The following CNTN5 variants were observed in gnomAD, a reference collection of about 807,000 sequenced individuals.
CNTN5 encodes contactin 5, also known as contactin-5.
A neutral mutation model predicts 129.1 loss-of-function variants in CNTN5; 77 were observed. The ratio of observed to expected loss-of-function variants is 0.60; its 90% CI spans 0.50 to 0.72. The LOEUF is 0.72. Among genes scored for constraint, CNTN5 ranks in the 30% least tolerant of loss-of-function variants. CNTN5 has a pLI of 0.00. For synonymous variants in CNTN5, 509 were observed against 465.6 expected (o/e 1.09, Z -1.20); for missense variants, 1,478 against 1,328.8 (o/e 1.11, Z -1.75).
At chr11:99,242,696 T>A (rs1182745660) in intron 1 of CNTN5, among the ~76,000 whole-genome samples, 1 of 152,102 alleles carries the variant, frequency 6.6e-6, no homozygotes, top group Non-Finnish European at 1.5e-5. Flanking sequence ...CCATAAATAT[T>A]GAATGTTTAG....
intron 1 of CNTN5, among the ~76,000 whole-genome samples, chr11:99,282,189 G>A (rs191548040): frequency 1.3e-5 from 2 of 151,880 alleles, no homozygotes; most frequent in African/African-American, 2.4e-5. Context: ...AGATTGTCTC[G>A]CCTTAAGTGT....
intron 2 of CNTN5, among the ~76,000 whole-genome samples, chr11:99,516,941 T>A (rs748655704): frequency 6.6e-6 from 1 of 152,144 alleles, no homozygotes; most frequent in Non-Finnish European, 1.5e-5. Context: ...GAAAAATGAA[T>A]GGGCACTAAT....
At chr11:100,184,147 C>CT (rs1378858040) in intron 13 of CNTN5, among the ~76,000 whole-genome samples, 2 of 152,100 alleles carry the variant, frequency 1.3e-5, no homozygotes, top group Admixed American at 1.3e-4. Context: ...CTACTATTTC[C>CT]TTTTTAACAT....
chr11:99,249,766 T>C (rs1352041313), intron 1 of CNTN5, among the ~76,000 whole-genome samples: 1 of 151,972 alleles, frequency 6.6e-6, no homozygotes, highest in African/African-American at 2.4e-5. Flanking sequence ...AGTCTTCTAG[T>C]ATAGTGAACT....
chr11:99,593,141 C>T (rs1240935493), intron 3 of CNTN5, among the ~76,000 whole-genome samples: 1 of 152,166 alleles, frequency 6.6e-6, no homozygotes, highest in African/African-American at 2.4e-5. Flanking sequence ...CTGGATTTCC[C>T]TATTCTGATG....
chr11:100,294,252 T>C (rs1274932548), intron 18 of CNTN5, among the ~76,000 whole-genome samples: 1 of 151,830 alleles, frequency 6.6e-6, no homozygotes, highest in African/African-American at 2.4e-5. Context: ...TAAAGCATAT[T>C]ATTAGTGTGA....
intron 4 of CNTN5, among the ~76,000 whole-genome samples, chr11:99,840,267 C>T (rs1241737672): frequency 6.6e-6 from 1 of 152,066 alleles, no homozygotes; most frequent in Non-Finnish European, 1.5e-5. Flanking sequence ...AGAATACATA[C>T]ATCTTAACTA....
rs77041636 is a variant in CNTN5, at chr11:100,089,263, T to C, written c.1580+14969T>C. Among the ~76,000 whole-genome samples the C allele has an allele frequency of 2.7e-3, 411 of 152,092 alleles. 4 individuals carry two copies. Among genetic ancestry groups the C allele is most frequent in the African/African-American group, 9.3e-3 (387 of 41,498 alleles). ...TTATCAGATAGGCAGATTGCAAAAA[T>C]TTCCTCCCATTCTGTACATGCAGCC... is the stretch of plus-strand genomic sequence containing the variant. On this transcript the variant is annotated intron_variant, in intron 13 of 24. Coordinates refer to ENST00000524871, the MANE Select transcript of CNTN5 (RefSeq NM_014361.4).
intron 3 of CNTN5, among the ~76,000 whole-genome samples, chr11:99,638,470 C>T (rs1265553359): frequency 6.6e-6 from 1 of 152,136 alleles, no homozygotes; most frequent in African/African-American, 2.4e-5. Context: ...CTCATTTGGG[C>T]ATTAACCCAA....
At chr11:99,202,223 G>T (rs1440312279) in intron 1 of CNTN5, among the ~76,000 whole-genome samples, 5 of 152,160 alleles carry the variant, frequency 3.3e-5, no homozygotes, top group Non-Finnish European at 5.9e-5. Context: ...GAAGCTCATG[G>T]TTTATTCAAG....
intron 3 of CNTN5, among the ~76,000 whole-genome samples, chr11:99,686,361 T>C (rs922772471): frequency 2.9e-4 from 44 of 152,032 alleles, no homozygotes; most frequent in African/African-American, 1.1e-3. Context: ...TTTATTTTTA[T>C]TTTGAATTTT....
intron 9 of CNTN5, among the ~76,000 whole-genome samples, chr11:100,056,733 TAG>T (rs1437535669): frequency 6.6e-6 from 1 of 151,528 alleles, no homozygotes; most frequent in African/African-American, 2.4e-5. Flanking sequence ...CATAGAGTAG[TAG>T]TTTTCTGGGG....
At chr11:99,660,143 G>A (rs549984919) in intron 3 of CNTN5, among the ~76,000 whole-genome samples, 5 of 151,856 alleles carry the variant, frequency 3.3e-5, no homozygotes, top group East Asian at 1.9e-4. Flanking sequence ...TAAAGTTCTG[G>A]ATGAAAAAAT....
At chr11:99,278,859 A>G (rs1020635420) in intron 1 of CNTN5, among the ~76,000 whole-genome samples, 11 of 151,780 alleles carry the variant, frequency 7.2e-5, no homozygotes, top group Non-Finnish European at 1.5e-4. Context: ...AGCACAAAGC[A>G]CTTTCACTAG....
chr11:99,458,331 C>G (rs1320647595), intron 2 of CNTN5, among the ~76,000 whole-genome samples: 2 of 151,824 alleles, frequency 1.3e-5, no homozygotes, highest in Non-Finnish European at 2.9e-5. Flanking sequence ...TTCAGTGTTA[C>G]ATGTTAAAAT....
At chr11:99,743,848 A>G (rs185991080) in intron 3 of CNTN5, among the ~76,000 whole-genome samples, 5 of 152,340 alleles carry the variant, frequency 3.3e-5, no homozygotes, top group Admixed American at 1.3e-4. Flanking sequence ...AAGGTCGTCC[A>G]CTTCCACAGA....
At chr11:99,492,176 T>G (rs556531622) in intron 2 of CNTN5, among the ~76,000 whole-genome samples, 2 of 152,188 alleles carry the variant, frequency 1.3e-5, no homozygotes, top group South Asian at 4.1e-4. Flanking sequence ...GCAGGATGGG[T>G]GGGGTGAAGA....
At position 99,074,543 on chromosome 11, in the gene CNTN5, T is replaced by C. The variant is rs887175998; in HGVS notation, c.-210+53273T>C. 9.8e-5 allele frequency among the ~76,000 whole-genome samples: 15 copies of C among 152,316 alleles called. No homozygotes were observed. In the South Asian group the frequency reaches 2.7e-3, roughly 27 times the overall value. ...TTAATTTATAGAGACTGGGTCTCTC[T>C]ATGTTGCCCAGGCTGATCTCAAACT... is the stretch of plus-strand genomic sequence containing the variant. On this transcript the variant is annotated intron_variant, in intron 1 of 24. Coordinates refer to ENST00000524871, the MANE Select transcript of CNTN5 (RefSeq NM_014361.4).
chr11:100,252,675 C>A (rs1949989712), intron 16 of CNTN5, among the ~76,000 whole-genome samples: 6 of 152,096 alleles, frequency 3.9e-5, no homozygotes, highest in Admixed American at 3.9e-4. Context: ...AAAGACTGTT[C>A]TTTCCCTAAT....
Sources: allele counts gnomAD v4.1 joint callset (sites outside exome capture counted in the v4.1 genomes callset), GRCh38; gene constraint gnomAD v4.1.1; transcripts MANE v1.5; gene names NCBI Gene and HGNC (gene_info 2026-07-23, HGNC 2026-07-21).